The following THSD4 variants were observed in gnomAD, a reference collection of about 807,000 sequenced individuals.
The protein encoded by THSD4 is thrombospondin type 1 domain containing 4, also known as thrombospondin type-1 domain-containing protein 4.
Under a neutral mutation model 119.0 loss-of-function variants are expected in THSD4, and 69 were observed. That is an observed-to-expected ratio of 0.58 (90% CI 0.48 to 0.71). The LOEUF is 0.71. THSD4 is among the 30% of genes least tolerant of loss of function. The pLI is 0.00. For synonymous variants in THSD4, 524 were observed against 540.4 expected, an observed-to-expected ratio of 0.97 and a Z score of 0.42; for missense variants, 1,393 against 1,391.1, an observed-to-expected ratio of 1.00 and a Z score of -0.02.
intron 7 of THSD4, among the ~76,000 whole-genome samples, chr15:71,503,509 A>C (rs1022418825): frequency 6.6e-6 from 1 of 152,110 alleles, no homozygotes; most frequent in African/African-American, 2.4e-5. Flanking sequence ...TTCCCAGCCC[A>C]CCCTTTAGGA....
chr15:71,404,919 C>G (rs946304801), intron 6 of THSD4, among the ~76,000 whole-genome samples: 9 of 148,158 alleles, frequency 6.1e-5, no homozygotes, highest in African/African-American at 2.2e-4. Flanking sequence ...GACAGAGTCT[C>G]TCTCTGTCAC....
chr15:71,297,312 C>CTCTTTTT (rs1437781025), intron 6 of THSD4, among the ~76,000 whole-genome samples: 2 of 70,560 alleles, frequency 2.8e-5, no homozygotes, highest in African/African-American at 9.6e-5. Flanking sequence ...TTGCTCTCCT[C>CTCTTTTT]TTCTTTTTTT....
At chr15:71,481,776 T>G (rs1263631688) in intron 7 of THSD4, among the ~76,000 whole-genome samples, 1 of 152,258 alleles carries the variant, frequency 6.6e-6, no homozygotes, top group Non-Finnish European at 1.5e-5. Context: ...TATTATTTTC[T>G]CACCTTATTA....
Position 71,418,578 on chromosome 15 carries a change from G to A in THSD4, c.1152+6755G>A, listed in dbSNP as rs188288710. 1.7e-4 allele frequency among the ~76,000 whole-genome samples: 18 copies of A among 108,892 alleles called. 6 individuals are homozygous for A. Among genetic ancestry groups the A allele is most frequent in the Admixed American group, 1.3e-3 (11 of 8,480 alleles). 71.4% of individuals were successfully genotyped at this position (108,892 alleles called of 152,430 possible). A position where few individuals can be genotyped will look rare whatever the true frequency, so the allele number is the denominator to read the frequency against. ...TCACATTAATTGATTTGCCTATGTT[G>A]AATCATCCTTGCATCCCTGGGATAA... On this transcript the variant is annotated intron_variant, in intron 7 of 17. Coordinates refer to ENST00000261862, the MANE Select transcript of THSD4 (RefSeq NM_024817.3).
In THSD4 at chr15:71,394,798, C is replaced by G. The variant is rs16955547; in HGVS notation, c.1016-16889C>G. On this transcript the variant is annotated intron_variant, in intron 6 of 17. Transcript: ENST00000261862. Reference sequence around the variant, plus strand: ...GGAGACTTTGCCATCACAGCACTTGCTACAATTTGGCGTTTATACAGTTGC... The same window carrying G: ...GGAGACTTTGCCATCACAGCACTTGGTACAATTTGGCGTTTATACAGTTGC... Among the ~76,000 whole-genome samples the G allele has an allele frequency of 1.9e-3, 290 of 152,324 alleles. 6 individuals carry two copies. The East Asian group carries it at 0.052, about 27-fold the overall frequency.
chr15:71,455,285 AATC>A (rs1479666234), intron 7 of THSD4, among the ~76,000 whole-genome samples: 1 of 152,204 alleles, frequency 6.6e-6, no homozygotes, highest in Non-Finnish European at 1.5e-5. Flanking sequence ...ACAATGATGA[AATC>A]AGAAGGGCTT....
At chr15:71,326,708 T>A (rs1398072391) in intron 6 of THSD4, among the ~76,000 whole-genome samples, 13 of 62,430 alleles carry the variant, frequency 2.1e-4, no homozygotes, top group African/African-American at 3.1e-4. Flanking sequence ...AAAATATATA[T>A]ATATATATAT....
intron 7 of THSD4, among the ~76,000 whole-genome samples, chr15:71,540,630 T>A (rs966719384): frequency 7.1e-6 from 1 of 141,066 alleles, no homozygotes; most frequent in Non-Finnish European, 1.5e-5. Context: ...GGTTTCACCA[T>A]GTTGGTCAGG....
At chr15:71,319,574 G>T (rs541233969) in intron 6 of THSD4, among the ~76,000 whole-genome samples, 2 of 152,084 alleles carry the variant, frequency 1.3e-5, no homozygotes, top group Non-Finnish European at 2.9e-5. Flanking sequence ...CAAAGGACAT[G>T]AATTCATCCT....
In THSD4 at chr15:71,241,885, C is replaced by T. The variant is rs563385133; in HGVS notation, c.465-764C>T. Among the ~76,000 whole-genome samples the T allele has an allele frequency of 6.6e-5, 10 of 152,260 alleles. No homozygotes were observed. The East Asian group carries it at 1.7e-3, about 26-fold the overall frequency. On this transcript the variant is annotated intron_variant, in intron 4 of 17. Transcript: ENST00000261862. ...CACAAATTCGTAAACTTTCTTAAAA[C>T]ATTATGAGATTTTTTTTTGCAATAT...
chr15:71,203,996 A>G (rs2043823845), intron 3 of THSD4, among the ~76,000 whole-genome samples: 1 of 151,882 alleles, frequency 6.6e-6, no homozygotes, highest in Non-Finnish European at 1.5e-5. Context: ...AGAAGCCAGC[A>G]CTCTTTATTT....
chr15:71,324,504 G>C (rs111360905), intron 6 of THSD4, among the ~76,000 whole-genome samples: 1 of 152,014 alleles, frequency 6.6e-6, no homozygotes, highest in Non-Finnish European at 1.5e-5. Flanking sequence ...ATATCACTCT[G>C]TATGCCTTTG....
chr15:71,262,854 T>A (rs2044416884), intron 6 of THSD4, among the ~76,000 whole-genome samples: 1 of 152,174 alleles, frequency 6.6e-6, no homozygotes, highest in Non-Finnish European at 1.5e-5. Flanking sequence ...TTTGCTTACC[T>A]GGGGACCCAG....
Position 71,486,843 on chromosome 15 carries a change from C to T in THSD4, c.1152+75020C>T, listed in dbSNP as rs2047830974. 1.3e-5 allele frequency among the ~76,000 whole-genome samples: 2 copies of T among 152,180 alleles called. 1 individual carries two copies. The highest frequency in any genetic ancestry group is 4.1e-4 in the South Asian group (2 of 4,824). On this transcript the variant is annotated intron_variant, in intron 7 of 17. Coordinates refer to ENST00000261862, the MANE Select transcript of THSD4 (RefSeq NM_024817.3). ...TTTTCCTGGAGCTAACCCCCTGGCT[C>T]AAGAGGAGTACCTATGAGAATATTT...
At chr15:71,594,999 C>G (rs893542657) in intron 7 of THSD4, among the ~76,000 whole-genome samples, 1 of 151,938 alleles carries the variant, frequency 6.6e-6, no homozygotes, top group Non-Finnish European at 1.5e-5. Context: ...TCAGTCAATC[C>G]CAGTGGTGGG....
intron 3 of THSD4, among the ~76,000 whole-genome samples, chr15:71,193,794 G>A (rs767338415): frequency 8.0e-4 from 121 of 152,002 alleles, no homozygotes; most frequent in Non-Finnish European, 1.3e-3. Flanking sequence ...TGCAAGCTCC[G>A]CCTCCCGGGT....
chr15:71,130,907 T>G (rs934696938), intron 1 of THSD4, among the ~76,000 whole-genome samples: 1 of 151,804 alleles, frequency 6.6e-6, no homozygotes, highest in South Asian at 2.1e-4. Context: ...ACCACGCCCG[T>G]CTATTTTTTT....
intron 7 of THSD4, among the ~76,000 whole-genome samples, chr15:71,617,054 A>C (rs2050329938): frequency 6.6e-6 from 1 of 152,220 alleles, no homozygotes; most frequent in Admixed American, 6.5e-5. Flanking sequence ...AATTATTAGA[A>C]GATAATTTAT....
rs1290008355 is a variant in THSD4, at chr15:71,242,682, G to A, written c.498G>A (p.Lys166=). Reference sequence around the variant, plus strand: ...CCCGTGGTACCATTGGCCCTGGCAAGTATGGCTATGGTAAGGCCCCATATA... The same window carrying A: ...CCCGTGGTACCATTGGCCCTGGCAAATATGGCTATGGTAAGGCCCCATATA... The part of the protein sequence containing the change: ...SRTRGTIGPG[K]YGYGKAPYIL... Residue 166 remains lysine, a synonymous_variant, in exon 5 of 18, where the codon AAG becomes AAA. Coordinates refer to ENST00000261862, the MANE Select transcript of THSD4 (RefSeq NM_024817.3). 3 of 1,614,052 alleles carry A rather than the reference G, an allele frequency of 1.9e-6. No homozygotes were observed. In the Admixed American group the frequency reaches 5.0e-5, roughly 27 times the overall value.
Sources: gnomAD v4.1 joint callset for allele counts (sites outside exome capture counted in the v4.1 genomes callset) on GRCh38, gnomAD v4.1.1 for gene constraint, MANE v1.5 for transcripts, NCBI Gene and HGNC (gene_info 2026-07-23, HGNC 2026-07-21) for gene names.